GAS2: variants seen among roughly 807,000 people sequenced by gnomAD.
GAS2 encodes growth arrest-specific protein 2.
GAS2 carries 20 observed loss-of-function variants against 37.5 expected under a neutral mutation model. That is an observed-to-expected ratio of 0.53 (90% CI 0.37 to 0.77). The LOEUF (loss-of-function observed/expected upper bound fraction) is 0.77. Among genes scored for constraint, GAS2 ranks in the 30% least tolerant of loss-of-function variants. The pLI, the probability that GAS2 is intolerant of heterozygous loss-of-function variation, is 0.00. For synonymous variants in GAS2, 144 were observed against 132.2 expected, an observed-to-expected ratio of 1.09 and a Z score of -0.61; for missense variants, 336 against 373.4, an observed-to-expected ratio of 0.90 and a Z score of 0.82.
intron 2 of GAS2, among the ~76,000 whole-genome samples, chr11:22,676,925 G>A: frequency 6.6e-6 from 1 of 152,078 alleles, no homozygotes; most frequent in Admixed American, 6.6e-5. Context: ...TTATGGAATT[G>A]TTGGGGGTTT....
At position 22,658,775 on chromosome 11, in the gene GAS2, G is replaced by T. The variant is rs143245004; in HGVS notation, c.-20-16075G>T. On this transcript the variant is annotated intron_variant, in intron 1 of 5. Coordinates refer to the GAS2 transcript ENST00000528582. ...AGAAAAGAGAAAAGAATAACCACTC[G>T]AAAGATCTCCCTGACTTTTATCTCC... Among the ~76,000 whole-genome samples, 33 of 152,200 alleles carry T rather than the reference G, an allele frequency of 2.2e-4. No homozygotes were observed. In the South Asian group the frequency reaches 6.8e-3, roughly 32 times the overall value.
At chr11:22,765,606 T>C (rs1854644161) in intron 7 of GAS2, among the ~76,000 whole-genome samples, 1 of 151,920 alleles carries the variant, frequency 6.6e-6, no homozygotes, top group African/African-American at 2.4e-5. Context: ...TGTGAAACCC[T>C]GTCTCTACTA....
upstream of GAS2, among the ~76,000 whole-genome samples, chr11:22,665,720 T>C (rs1848973826): frequency 6.6e-6 from 1 of 152,222 alleles, no homozygotes; most frequent in South Asian, 2.1e-4. Flanking sequence ...AAATAACTGA[T>C]GCAGTTTCTG....
intron 2 of GAS2, among the ~76,000 whole-genome samples, chr11:22,680,300 T>C (rs1380142664): frequency 6.6e-6 from 1 of 152,178 alleles, no homozygotes; most frequent in African/African-American, 2.4e-5. Context: ...ATGTGACTTG[T>C]GCAGCAGAAC....
intron 2 of GAS2, among the ~76,000 whole-genome samples, chr11:22,677,844 G>T (rs1849500751): frequency 6.6e-6 from 1 of 152,142 alleles, no homozygotes; most frequent in Non-Finnish European, 1.5e-5. Context: ...TGAAGTAGAT[G>T]ATCTCTAATG....
intron 7 of GAS2, among the ~76,000 whole-genome samples, chr11:22,760,099 A>G (rs1400442369): frequency 6.6e-6 from 1 of 151,782 alleles, no homozygotes; most frequent in Admixed American, 6.6e-5. Context: ...CTGGGATTAC[A>G]GTGTGTACCA....
At chr11:22,630,470 A>G (rs796473871) in intron 1 of GAS2, among the ~76,000 whole-genome samples, 22 of 152,328 alleles carry the variant, frequency 1.4e-4, no homozygotes, top group African/African-American at 5.3e-4. Flanking sequence ...TAAACTAAGG[A>G]GCTTCTGCAC....
Position 22,701,398 on chromosome 11 carries a change from G to A in GAS2, c.267+15609G>A, listed in dbSNP as rs1211606388. Among the ~76,000 whole-genome samples, 3 of 152,074 alleles carry A rather than the reference G, an allele frequency of 2.0e-5. No homozygotes were observed. The East Asian group carries it at 5.8e-4, about 29-fold the overall frequency. ...GGTGTTAATGTGCATTTGTCTTCAT[G>A]GTGAGAAAGATAGTTGTGATTTAAA... On this transcript the variant is annotated intron_variant, in intron 3 of 7. Transcript: ENST00000454584.
rs774695678 is a variant in GAS2 at position 22,737,715 on chromosome 11, G to A, written c.420G>A (p.Lys140=). The A allele has an allele frequency of 3.4e-5, 55 of 1,613,976 alleles. No individual in the cohort carries two copies. The highest frequency in any genetic ancestry group is 4.5e-5 in the Non-Finnish European group (53 of 1,179,978). The change falls in exon 5 of 8, where the codon AAG becomes AAA. Residue 140 remains lysine (K), a synonymous_variant. Coordinates refer to ENST00000454584, the MANE Select transcript of GAS2 (RefSeq NM_001143830.3). The part of the protein sequence containing the change: ...LFESEGLVLH[K]QPREVCLCLL... ...TGTCTTGTCTTTCAGTCCTCCACAA[G>A]CAACCCAGAGAAGTGTGTCTCTGTC...
chr11:22,662,473 T>C (rs928309133), upstream of GAS2, among the ~76,000 whole-genome samples: 2 of 152,248 alleles, frequency 1.3e-5, no homozygotes, highest in African/African-American at 4.8e-5. Flanking sequence ...GAGTGTCTAC[T>C]ATATGTCTAA....
At chr11:22,771,970 ATAATT>A (rs1384863338) in intron 7 of GAS2, among the ~76,000 whole-genome samples, 6 of 152,182 alleles carry the variant, frequency 3.9e-5, no homozygotes, top group Admixed American at 6.6e-5. Flanking sequence ...ACAGTTCAAT[ATAATT>A]TAATTTATTA....
intron 1 of GAS2, among the ~76,000 whole-genome samples, chr11:22,653,257 GA>G (rs1389044797): frequency 6.6e-6 from 1 of 151,714 alleles, no homozygotes; most frequent in Admixed American, 6.6e-5. Context: ...TAAGTACTCA[GA>G]AAAAAAGAGA....
intron 3 of GAS2, among the ~76,000 whole-genome samples, chr11:22,696,862 G>A (rs1484593056): frequency 8.6e-5 from 13 of 150,394 alleles, no homozygotes; most frequent in African/African-American, 2.9e-4. Flanking sequence ...CAGATGAGTA[G>A]GTTGCGAAAA....
In GAS2 at chr11:22,715,604, C is replaced by T. The variant is rs374699980; in HGVS notation, c.268-10688C>T. Among the ~76,000 whole-genome samples, 303 of 151,494 alleles carry T rather than the reference C, an allele frequency of 2.0e-3. 2 individuals are homozygous for T. The highest frequency in any genetic ancestry group is 6.4e-3 in the African/African-American group (266 of 41,332). ...CACAAACTAGAAAACCTACAGGAGACGGATAAATTCCTGGAAATATACAAC... is the reference window on the plus strand; with the variant it reads ...CACAAACTAGAAAACCTACAGGAGATGGATAAATTCCTGGAAATATACAAC... On this transcript the variant is annotated intron_variant, in intron 3 of 7. Coordinates refer to ENST00000454584, the MANE Select transcript of GAS2 (RefSeq NM_001143830.3).
Position 22,764,989 on chromosome 11 carries a change from G to C in GAS2, c.723+9036G>C, listed in dbSNP as rs1476552195. 2.6e-5 allele frequency among the ~76,000 whole-genome samples: 4 copies of C among 152,100 alleles called. No individual in the cohort carries two copies. The South Asian group carries it at 6.2e-4, about 24-fold the overall frequency. ...TTCTTTTGCCATTATGCTGTATCTA[G>C]AATCAATGTACAATTGCTTTTTCAT... On this transcript the variant is annotated intron_variant, in intron 7 of 7. Coordinates refer to ENST00000454584, the MANE Select transcript of GAS2 (RefSeq NM_001143830.3).
chr11:22,811,720 T>A (rs1205282676), intron 7 of GAS2, 78 bp from the exon 8 acceptor site: 1 of 1,366,512 alleles, frequency 7.3e-7, no homozygotes, highest in Non-Finnish European at 1.0e-6. Context: ...AAACACTAAT[T>A]TCACTAGAAC....
intron 3 of GAS2, among the ~76,000 whole-genome samples, chr11:22,710,113 G>A (rs1040493572): frequency 6.6e-6 from 1 of 151,898 alleles, no homozygotes; most frequent in African/African-American, 2.4e-5. Flanking sequence ...GTATACATAT[G>A]TAACTAACAT....
chr11:22,729,596 T>G (rs1194474524), intron 4 of GAS2, among the ~76,000 whole-genome samples: 1 of 151,800 alleles, frequency 6.6e-6, no homozygotes, highest in Non-Finnish European at 1.5e-5. Flanking sequence ...TCCTGAAATC[T>G]TTCAGAAATA....
chr11:22,654,100 C>G (rs1590576806), intron 1 of GAS2, among the ~76,000 whole-genome samples: 1 of 152,172 alleles, frequency 6.6e-6, no homozygotes, highest in East Asian at 1.9e-4. Flanking sequence ...ATAAACTAAA[C>G]CCACAATACA....
Sources: allele counts gnomAD v4.1 joint callset (sites outside exome capture counted in the v4.1 genomes callset), GRCh38; gene constraint gnomAD v4.1.1; transcripts MANE v1.5; gene names NCBI Gene and HGNC (gene_info 2026-07-23, HGNC 2026-07-21).